Variants in DNAH5 observed in about 807,000 individuals in gnomAD.
DNAH5 encodes the protein axonemal beta dynein heavy chain 5.
Under a neutral mutation model 518.2 loss-of-function variants are expected in DNAH5, and 372 were observed. The ratio of observed to expected loss-of-function variants is 0.72; its 90% CI spans 0.66 to 0.78. DNAH5 has a LOEUF of 0.78. DNAH5 is among the 30% of genes least tolerant of loss of function. The pLI is 0.00. For missense variants in DNAH5, 5,523 were observed against 5,687.0 expected (o/e 0.97, Z 0.93); for synonymous variants, 2,039 against 2,025.9 (o/e 1.01, Z -0.17).
intron 60 of DNAH5, among the ~76,000 whole-genome samples, chr5:13,762,462 G>A (rs1006673112): frequency 5.3e-5 from 8 of 152,110 alleles, no homozygotes; most frequent in Middle Eastern, 3.4e-3. Flanking sequence ...GAAAAATATC[G>A]AGCAGCCCAC....
intron 42 of DNAH5, among the ~76,000 whole-genome samples, chr5:13,815,099 T>C (rs1442036936): frequency 6.6e-6 from 1 of 152,242 alleles, no homozygotes; most frequent in African/African-American, 2.4e-5. Context: ...GCACCTTGCA[T>C]ATGTCACTGT....
intron 12 of DNAH5, among the ~76,000 whole-genome samples, chr5:13,903,706 A>G (rs1774954406): frequency 6.6e-6 from 1 of 152,128 alleles, no homozygotes; most frequent in Non-Finnish European, 1.5e-5. Flanking sequence ...GTGAATAAAG[A>G]TCTTCTAAGG....
Position 13,862,757 on chromosome 5 carries a change from T to C in DNAH5, c.4597-10A>G, listed in dbSNP as rs376162349. On this transcript the variant is annotated splice_polypyrimidine_tract_variant and intron_variant, in intron 28 of 78. Transcript: ENST00000265104. ...CACTGATACAGATGTCCTATCAAAA[T>C]GGCAAGCTCTCATGTTATTGCATGA... 1 of 1,609,026 alleles carries C rather than the reference T, an allele frequency of 6.2e-7. No individual in the cohort carries two copies. The highest frequency in any genetic ancestry group is 8.5e-7 in the Non-Finnish European group (1 of 1,176,532).
chr5:13,713,246 TATATATATACCGAC>T (rs1323742920), intron 75 of DNAH5, among the ~76,000 whole-genome samples: 102 of 146,568 alleles, frequency 7.0e-4, no homozygotes, highest in African/African-American at 2.3e-3. Context: ...TATACCAACA[TATATATATACCGAC>T]ATATATATAC....
chr5:13,806,069 A>AT (rs1478952604), intron 47 of DNAH5, among the ~76,000 whole-genome samples: 2 of 152,202 alleles, frequency 1.3e-5, no homozygotes, highest in African/African-American at 2.4e-5. Context: ...CTCTGATCTG[A>AT]TTTTTTTAAA....
intron 41 of DNAH5, 136 bp downstream of exon 41, chr5:13,820,210 C>T: frequency 1.0e-6 from 1 of 982,020 alleles, no homozygotes; most frequent in South Asian, 1.4e-5. Context: ...TAAAATGTTC[C>T]CAATAATTAA....
intron 1 of DNAH5, among the ~76,000 whole-genome samples, chr5:14,000,396 TGA>T (rs1784270660): frequency 6.6e-6 from 1 of 152,204 alleles, no homozygotes; most frequent in Non-Finnish European, 1.5e-5. Flanking sequence ...CTCCAAACTG[TGA>T]GAGAGTAAGT....
intron 1 of DNAH5, among the ~76,000 whole-genome samples, chr5:13,942,006 G>T (rs1034210025): frequency 6.6e-6 from 1 of 152,090 alleles, no homozygotes; most frequent in African/African-American, 2.4e-5. Context: ...TTCAAGTCTG[G>T]AATTCATGTC....
chr5:13,714,404 C>A lies in DNAH5; in HGVS notation c.13125+1G>T. The A allele has an allele frequency of 6.2e-7, 1 of 1,614,126 alleles. No individual in the cohort carries two copies. Among genetic ancestry groups the A allele is most frequent in the Non-Finnish European group, 8.5e-7 (1 of 1,179,986 alleles). ...ATTTTGTCAGGATTTCATCAACTCA[C>A]TTCAAAGGGGACATAGTCTGGGGGC... On this transcript the variant is annotated splice_donor_variant, in intron 75 of 78. Coordinates refer to ENST00000265104, the MANE Select transcript of DNAH5 (RefSeq NM_001369.3). LOFTEE classifies it high-confidence loss of function.
At chr5:13,884,728 T>C (rs1046615897) in intron 19 of DNAH5, among the ~76,000 whole-genome samples, 33 of 152,188 alleles carry the variant, frequency 2.2e-4, no homozygotes, top group Non-Finnish European at 2.9e-4. Context: ...TCCCAGCTAC[T>C]TGGGAGGCTA....
chr5:13,885,831 A>G, intron 18 of DNAH5, 133 bp downstream of exon 18: 1 of 862,388 alleles, frequency 1.2e-6, no homozygotes, highest in Non-Finnish European at 1.8e-6. Context: ...ATAATTTCAG[A>G]TTTATACATA....
At chr5:13,698,382 T>A (rs1741647930) in intron 78 of DNAH5, among the ~76,000 whole-genome samples, 1 of 152,206 alleles carries the variant, frequency 6.6e-6, no homozygotes, top group Admixed American at 6.5e-5. Flanking sequence ...TCCTATAAAG[T>A]CACCATGAAT....
At chr5:13,903,617 G>A (rs962138) in intron 12 of DNAH5, among the ~76,000 whole-genome samples, 53,007 of 151,528 alleles carry the variant, frequency 0.35, 10,335 homozygotes, top group East Asian at 0.76. Context: ...ATCACAAAAG[G>A]GAGAAATCAA....
At chr5:13,979,991 C>T (rs1238537225) in intron 1 of DNAH5, among the ~76,000 whole-genome samples, 1 of 151,990 alleles carries the variant, frequency 6.6e-6, no homozygotes, top group African/African-American at 2.4e-5. Context: ...AGGCATCCAC[C>T]ACCACACCTG....
chr5:13,902,007 A>C (rs1774692530), intron 13 of DNAH5, 46 bp downstream of exon 13: 2 of 1,316,596 alleles, frequency 1.5e-6, no homozygotes, highest in African/African-American at 1.5e-5. Context: ...AATAAAAGCT[A>C]AACTATCCCA....
In DNAH5 at chr5:13,792,910, G is replaced by T. The variant is rs547830343; in HGVS notation, c.8224+605C>A. 2.6e-5 allele frequency among the ~76,000 whole-genome samples: 4 copies of T among 152,274 alleles called. No individual in the cohort carries two copies. The East Asian group carries it at 7.7e-4, about 29-fold the overall frequency. On this transcript the variant is annotated intron_variant, in intron 49 of 78. Transcript: ENST00000265104. The stretch of plus-strand genomic sequence containing the variant: ...AACATAAATGTGTTCAAACCTTTAT[G>T]CTCTTTTCTGCACAAATAAGTCACA...
chr5:13,734,181 T>C (rs1747017742), intron 68 of DNAH5, among the ~76,000 whole-genome samples: 1 of 152,158 alleles, frequency 6.6e-6, no homozygotes, highest in Non-Finnish European at 1.5e-5. Context: ...CTCCCCAGCA[T>C]GTGAAGATGC....
intron 35 of DNAH5, among the ~76,000 whole-genome samples, chr5:13,836,669 C>G (rs1764436551): frequency 6.6e-6 from 1 of 152,144 alleles, no homozygotes; most frequent in African/African-American, 2.4e-5. Flanking sequence ...AAATAATGGT[C>G]CCCCCAAAAT....
At position 13,708,992 on chromosome 5, in the gene DNAH5, CCTAA is replaced by C. The variant is rs1743157909; in HGVS notation, c.13126-661_13126-658del. 5.3e-5 allele frequency among the ~76,000 whole-genome samples: 8 copies of C among 152,328 alleles called. No homozygotes were observed. In the South Asian group the frequency reaches 6.2e-4, roughly 12 times the overall value. On this transcript the variant is annotated intron_variant, in intron 75 of 78. Transcript: ENST00000265104. ...CTATTTTTAGACATTTTTATCACTT[CCTAA>C]CTATTTCAACCCCTGTTAGACACGA... is the stretch of plus-strand genomic sequence containing the variant.
Sources: gnomAD v4.1 joint callset for allele counts (sites outside exome capture counted in the v4.1 genomes callset) on GRCh38, gnomAD v4.1.1 for gene constraint, MANE v1.5 for transcripts, NCBI Gene and HGNC (gene_info 2026-07-23, HGNC 2026-07-21) for gene names.